XRCC4: variants seen among roughly 807,000 people sequenced by gnomAD.
XRCC4 encodes the protein DNA repair protein XRCC4.
Under a neutral mutation model 39.1 loss-of-function variants are expected in XRCC4, and 28 were observed. The ratio of observed to expected loss-of-function variants is 0.72; its 90% CI spans 0.53 to 0.98. XRCC4 has a LOEUF of 0.98. Among genes scored for constraint, XRCC4 ranks in the 50% least tolerant of loss-of-function variants. The pLI, the probability that XRCC4 is intolerant of heterozygous loss-of-function variation, is 0.00. For synonymous variants in XRCC4, 123 were observed against 126.4 expected (o/e 0.97, Z 0.18); for missense variants, 350 against 376.4 (o/e 0.93, Z 0.58).
chr5:83,251,523 C>CA (rs60359773), intron 6 of XRCC4, among the ~76,000 whole-genome samples: 8,088 of 66,092 alleles, frequency 0.12, 671 homozygotes, highest in East Asian at 0.52. Context: ...GACTCCGTCT[C>CA]AAAAAAAAAA....
intron 3 of XRCC4, among the ~76,000 whole-genome samples, chr5:83,177,881 A>T (rs1199148371): frequency 1.3e-5 from 2 of 152,184 alleles, no homozygotes; most frequent in Non-Finnish European, 2.9e-5. Flanking sequence ...ACATCTTAAA[A>T]TATCACTCTG....
chr5:83,261,917 C>T (rs894843734), intron 7 of XRCC4, among the ~76,000 whole-genome samples: 1 of 151,940 alleles, frequency 6.6e-6, no homozygotes, highest in Admixed American at 6.6e-5. Context: ...TACAATGTAA[C>T]ATATTAAGTA....
At chr5:83,313,112 T>C (rs532840323) in intron 7 of XRCC4, among the ~76,000 whole-genome samples, 20 of 149,362 alleles carry the variant, frequency 1.3e-4, no homozygotes, top group African/African-American at 4.7e-4. Context: ...AAAGTAACAA[T>C]ACAGGTGGTC....
At chr5:83,105,776 A>G (rs1262953096) in intron 2 of XRCC4, among the ~76,000 whole-genome samples, 2 of 152,160 alleles carry the variant, frequency 1.3e-5, no homozygotes, top group African/African-American at 4.8e-5. Flanking sequence ...AGTCTTTTCT[A>G]GAGTTATGTT....
At chr5:83,355,880 C>T (rs894920189), downstream of XRCC4, among the ~76,000 whole-genome samples, 1 of 152,150 alleles carries the variant, frequency 6.6e-6, no homozygotes, top group South Asian at 2.1e-4. Flanking sequence ...TCAAGTGATC[C>T]GCCCACCTCG....
At chr5:83,147,804 T>G in intron 3 of XRCC4, among the ~76,000 whole-genome samples, 1 of 152,066 alleles carries the variant, frequency 6.6e-6, no homozygotes, top group Admixed American at 6.5e-5. Context: ...CTTTTTTTTT[T>G]TTTTGACACA....
intron 7 of XRCC4, among the ~76,000 whole-genome samples, chr5:83,279,547 A>G (rs1166880059): frequency 6.6e-6 from 1 of 152,196 alleles, no homozygotes; most frequent in African/African-American, 2.4e-5. Context: ...TATCACAATA[A>G]GTTACAAATA....
chr5:83,164,618 T>A (rs915377311), intron 3 of XRCC4, among the ~76,000 whole-genome samples: 1 of 152,162 alleles, frequency 6.6e-6, no homozygotes, highest in Non-Finnish European at 1.5e-5. Context: ...GTAATTGATA[T>A]GTTAGTAGCT....
chr5:83,359,315 C>A, the XRCC4 span, among the ~76,000 whole-genome samples: 1 of 152,052 alleles, frequency 6.6e-6, no homozygotes, highest in East Asian at 1.9e-4. Context: ...AATACAGTAC[C>A]CATGCTTTAT....
chr5:83,266,612 A>G (rs1025520256), intron 7 of XRCC4, among the ~76,000 whole-genome samples: 1 of 152,068 alleles, frequency 6.6e-6, no homozygotes, highest in African/African-American at 2.4e-5. Flanking sequence ...AAAGGACAAA[A>G]GCACAAACAT....
intron 3 of XRCC4, among the ~76,000 whole-genome samples, chr5:83,155,985 T>G (rs766584442): frequency 3.3e-5 from 5 of 151,690 alleles, no homozygotes; most frequent in Admixed American, 6.6e-5. Context: ...CTGGTACCAG[T>G]TCTCTGTCAC....
At chr5:83,349,111 C>T (rs1757004870) in intron 7 of XRCC4, among the ~76,000 whole-genome samples, 1 of 152,192 alleles carries the variant, frequency 6.6e-6, no homozygotes, top group South Asian at 2.1e-4. Context: ...ACTGTTCCAA[C>T]CTCTACTTAT....
At chr5:83,118,073 C>T (rs1347606249) in intron 3 of XRCC4, among the ~76,000 whole-genome samples, 1 of 127,330 alleles carries the variant, frequency 7.9e-6, no homozygotes, top group Non-Finnish European at 1.8e-5. Flanking sequence ...CACACACACA[C>T]ACACATATGT....
chr5:83,297,409 A>G (rs1755132748), intron 7 of XRCC4, among the ~76,000 whole-genome samples: 1 of 151,984 alleles, frequency 6.6e-6, no homozygotes, highest in Non-Finnish European at 1.5e-5. Flanking sequence ...GAGAAGTTAG[A>G]GAAGTTTGTT....
intron 7 of XRCC4, chr5:83,280,301 T>G: frequency 2.5e-6 from 1 of 403,832 alleles, no homozygotes; most frequent in Non-Finnish European, 4.7e-6. Context: ...TTTGATGTTT[T>G]ACACCAAGGA....
rs111233261 is a variant in XRCC4, at chr5:83,093,581, T to C, written c.-10-11329T>C. ...AGTTCACAAAGCACATCTTAGGAAG[T>C]TGAAGAAGACTGAAATCATATCACA... is the stretch of plus-strand genomic sequence containing the variant. On this transcript the variant is annotated intron_variant, in intron 1 of 7. Transcript: ENST00000396027. Among the ~76,000 whole-genome samples the C allele has an allele frequency of 9.2e-3, 1,403 of 152,292 alleles. 16 individuals are homozygous for C. Among genetic ancestry groups the C allele is most frequent in the African/African-American group, 0.032 (1,319 of 41,550 alleles).
At chr5:83,291,932 ATATGT>A (rs1021896578) in intron 7 of XRCC4, among the ~76,000 whole-genome samples, 1 of 142,618 alleles carries the variant, frequency 7.0e-6, no homozygotes, top group Non-Finnish European at 1.5e-5. Flanking sequence ...TAAATACTAT[ATATGT>A]TATATGTGTA....
chr5:83,347,033 G>A (rs1756936887), intron 7 of XRCC4, among the ~76,000 whole-genome samples: 1 of 152,042 alleles, frequency 6.6e-6, no homozygotes, highest in African/African-American at 2.4e-5. Flanking sequence ...ATATGTATAA[G>A]GATACTAATT....
At chr5:83,342,791 G>T (rs1204364935) in intron 7 of XRCC4, among the ~76,000 whole-genome samples, 1 of 152,078 alleles carries the variant, frequency 6.6e-6, no homozygotes, top group Non-Finnish European at 1.5e-5. Flanking sequence ...CTTATTCTAA[G>T]ATCAAATTTT....
Sources: allele counts gnomAD v4.1 joint callset (sites outside exome capture counted in the v4.1 genomes callset), GRCh38; gene constraint gnomAD v4.1.1; transcripts MANE v1.5; gene names NCBI Gene and HGNC (gene_info 2026-07-23, HGNC 2026-07-21).